Variants in EVI5 observed in about 807,000 individuals in gnomAD.
EVI5 encodes the protein ecotropic viral integration site 5 protein homolog.
Under a neutral mutation model 112.0 loss-of-function variants are expected in EVI5, and 73 were observed. That is an observed-to-expected ratio of 0.65 (90% confidence interval 0.54 to 0.79). The LOEUF is 0.79. Among genes scored for constraint, EVI5 ranks in the 30% least tolerant of loss-of-function variants. The probability of loss-of-function intolerance (pLI) is 0.00; values close to 1 mark genes in which losing one functional copy is unlikely to be tolerated. For missense variants in EVI5, 900 were observed against 968.8 expected, an observed-to-expected ratio of 0.93 and a Z score of 0.94; for synonymous variants, 305 against 319.9, an observed-to-expected ratio of 0.95 and a Z score of 0.50.
chr1:92,624,454 T>A, intron 15 of EVI5, 120 bp from the exon 16 acceptor site: 1 of 767,950 alleles, frequency 1.3e-6, no homozygotes, highest in Non-Finnish European at 2.1e-6. Context: ...TTATTTTATT[T>A]AATCCCTAGA....
chr1:92,614,856 A>AGGC (rs375404686), intron 16 of EVI5, among the ~76,000 whole-genome samples: 1 of 144,354 alleles, frequency 6.9e-6, no homozygotes, highest in South Asian at 2.1e-4. Context: ...ATATATATAT[A>AGGC]TATATATATA....
chr1:92,720,281 C>T (rs965832913), intron 2 of EVI5, among the ~76,000 whole-genome samples: 2 of 152,076 alleles, frequency 1.3e-5, no homozygotes, highest in African/African-American at 2.4e-5. Context: ...AACTACACTA[C>T]AAGGCTACAG....
At chr1:92,756,276 A>T in intron 1 of EVI5, 4 of 453,740 alleles carry the variant, frequency 8.8e-6, no homozygotes, top group South Asian at 6.9e-5. Context: ...GTTCTCTCTG[A>T]AGTAGTACAC....
chr1:92,609,133 T>C (rs533356707), intron 16 of EVI5, among the ~76,000 whole-genome samples: 5 of 152,316 alleles, frequency 3.3e-5, no homozygotes, highest in Admixed American at 2.6e-4. Flanking sequence ...CAACCCGAAA[T>C]TATTCTATCA....
At chr1:92,774,891 T>C (rs952767693) in intron 1 of EVI5, among the ~76,000 whole-genome samples, 1 of 152,194 alleles carries the variant, frequency 6.6e-6, no homozygotes, top group South Asian at 2.1e-4. Flanking sequence ...CTAGTAGCAA[T>C]ACCTAGTGAG....
At chr1:92,557,212 G>A (rs1667807008) in intron 19 of EVI5, among the ~76,000 whole-genome samples, 1 of 151,780 alleles carries the variant, frequency 6.6e-6, no homozygotes, top group Non-Finnish European at 1.5e-5. Context: ...GTTTTATTTT[G>A]TTTATAGCAT....
chr1:92,746,647 G>A (rs1372600459), intron 1 of EVI5, among the ~76,000 whole-genome samples: 1 of 152,076 alleles, frequency 6.6e-6, no homozygotes, highest in African/African-American at 2.4e-5. Context: ...GATGACTTGA[G>A]CCCAGGAGGC....
chr1:92,655,662 G>A (rs10747447), intron 13 of EVI5, among the ~76,000 whole-genome samples: 140,196 of 152,192 alleles, frequency 0.92, 64,659 homozygotes, highest in East Asian at 0.97. Flanking sequence ...ACCAAAAGCA[G>A]GCAGGAGTAG....
intron 9 of EVI5, among the ~76,000 whole-genome samples, chr1:92,687,931 G>A (rs541111700): frequency 9.8e-5 from 15 of 152,290 alleles, no homozygotes; most frequent in African/African-American, 3.1e-4. Flanking sequence ...TTACACTGTT[G>A]GTGGGAGTGT....
chr1:92,787,582 A>C (rs551260272), upstream of EVI5, among the ~76,000 whole-genome samples: 23 of 151,652 alleles, frequency 1.5e-4, no homozygotes, highest in African/African-American at 5.3e-4. Flanking sequence ...AAAAAAATAC[A>C]AAAAAAAATT....
At chr1:92,689,074 A>G (rs2102426852) in intron 9 of EVI5, among the ~76,000 whole-genome samples, 1 of 152,362 alleles carries the variant, frequency 6.6e-6, no homozygotes, top group Middle Eastern at 3.4e-3. Context: ...ACATGAGGCC[A>G]ATAAACATAT....
intron 9 of EVI5, among the ~76,000 whole-genome samples, chr1:92,685,315 A>G (rs1185439463): frequency 2.6e-5 from 4 of 152,214 alleles, no homozygotes; most frequent in Non-Finnish European, 2.9e-5. Context: ...CTGGGTACAT[A>G]ACAAAATGAA....
At chr1:92,726,939 A>T (rs186168321) in intron 2 of EVI5, among the ~76,000 whole-genome samples, 41 of 152,330 alleles carry the variant, frequency 2.7e-4, no homozygotes, top group African/African-American at 9.6e-4. Context: ...TCAATAAATG[A>T]ACTATAACAA....
At chr1:92,550,781 A>AATATATAT (rs1330757944) in intron 19 of EVI5, among the ~76,000 whole-genome samples, 2,230 of 20,248 alleles carry the variant, frequency 0.11, 166 homozygotes, top group East Asian at 0.13. Flanking sequence ...AAAAAAAAAA[A>AATATATAT]ATATATATAT....
chr1:92,767,843 G>A (rs929665922), intron 1 of EVI5, among the ~76,000 whole-genome samples: 2 of 152,208 alleles, frequency 1.3e-5, no homozygotes, highest in African/African-American at 4.8e-5. Context: ...ACCTTGGGAG[G>A]CCAAGGCGGG....
At chr1:92,704,514 T>A (rs1671684794) in intron 3 of EVI5, 41 bp downstream of exon 3, 9 of 1,305,342 alleles carry the variant, frequency 6.9e-6, no homozygotes, top group Non-Finnish European at 9.4e-6. Context: ...TCTGACGCAC[T>A]ATGGAATAAG....
At chr1:92,676,551 C>A (rs748014842) in intron 10 of EVI5, among the ~76,000 whole-genome samples, 1 of 152,298 alleles carries the variant, frequency 6.6e-6, no homozygotes, top group Non-Finnish European at 1.5e-5. Flanking sequence ...CAAGTCCCAG[C>A]TCCAACAGTG....
Position 92,605,411 on chromosome 1 carries a change from GT to G in EVI5, c.1975-10del, listed in dbSNP as rs775129551. The G allele has an allele frequency of 1.2e-4, 188 of 1,588,874 alleles. No homozygotes were observed. The highest frequency in any genetic ancestry group is 1.5e-4 in the Non-Finnish European group (179 of 1,159,040). On this transcript the variant is annotated splice_polypyrimidine_tract_variant and intron_variant, in intron 17 of 19. Coordinates refer to ENST00000684568, the MANE Select transcript of EVI5 (RefSeq NM_001350197.2). ...ATCACTTCTTCCTTATTCTAGTGTGGTAAACCAAACCGAAACAAAATAAACC... is the reference window on the plus strand; with the variant it reads ...ATCACTTCTTCCTTATTCTAGTGTGGAAACCAAACCGAAACAAAATAAACC...
At chr1:92,779,428 C>T (rs558159777) in intron 1 of EVI5, among the ~76,000 whole-genome samples, 24 of 151,710 alleles carry the variant, frequency 1.6e-4, no homozygotes, top group African/African-American at 5.1e-4. Flanking sequence ...AGGGCCGAGA[C>T]GGGGAATCGC....
Sources: gnomAD v4.1 joint callset for allele counts (sites outside exome capture counted in the v4.1 genomes callset) on GRCh38, gnomAD v4.1.1 for gene constraint, MANE v1.5 for transcripts, NCBI Gene and HGNC (gene_info 2026-07-23, HGNC 2026-07-21) for gene names.